Variants in HOXD3 observed in about 807,000 individuals in gnomAD.
HOXD3 encodes homeobox D3, also known as homeobox protein Hox-D3.
HOXD3 carries 13 observed loss-of-function variants against 32.8 expected under a neutral mutation model. That is an observed-to-expected ratio of 0.40 (90% CI 0.26 to 0.63). The LOEUF is 0.63. HOXD3 is among the 20% of genes least tolerant of loss of function. The pLI is 0.44. For missense variants in HOXD3, 504 were observed against 577.1 expected, an observed-to-expected ratio of 0.87 and a Z score of 1.30; for synonymous variants, 241 against 246.8, an observed-to-expected ratio of 0.98 and a Z score of 0.22.
chr2:176,163,066 G>A (rs369329328), intron 1 of HOXD3, among the ~76,000 whole-genome samples: 1 of 152,154 alleles, frequency 6.6e-6, no homozygotes, highest in East Asian at 1.9e-4. Flanking sequence ...GTCCAGGCCG[G>A]CTGGGAAGCT....
At chr2:176,166,439 G>A (rs1300735130) in intron 2 of HOXD3, among the ~76,000 whole-genome samples, 1 of 152,194 alleles carries the variant, frequency 6.6e-6, no homozygotes, top group East Asian at 1.9e-4. Flanking sequence ...CTGAGTGTCC[G>A]ATGTGACCAT....
chr2:176,171,158 T>C (rs1026253176), intron 3 of HOXD3, among the ~76,000 whole-genome samples: 1 of 152,186 alleles, frequency 6.6e-6, no homozygotes, highest in Non-Finnish European at 1.5e-5. Context: ...AGTCTGGCCC[T>C]TCTTTGACAG....
chr2:176,172,382 C>A lies in HOXD3; in HGVS notation c.*108C>A. 1 of 1,148,520 alleles carries A rather than the reference C, an allele frequency of 8.7e-7. No homozygotes were observed. Among genetic ancestry groups the A allele is most frequent in the Non-Finnish European group, 1.2e-6 (1 of 838,438 alleles). The allele number at this position is 1,148,520 out of a possible 1,614,324, so 71.1% of individuals were successfully genotyped here. On this transcript the variant is annotated 3_prime_UTR_variant, in exon 4 of 4. Transcript: ENST00000683222. ...TCGGGAACCCCCTTCCCCGCTCTTGCCCTGCCGCCGCCTCCCGGGTCTCAG... is the reference window on the plus strand; with the variant it reads ...TCGGGAACCCCCTTCCCCGCTCTTGACCTGCCGCCGCCTCCCGGGTCTCAG...
At chr2:176,161,082 T>C in intron 1 of HOXD3, 1 of 152,238 alleles carries the variant, frequency 6.6e-6, no homozygotes, top group East Asian at 1.9e-4. Context: ...GGGATCCAGG[T>C]AAGCAATTGC....
intron 1 of HOXD3, among the ~76,000 whole-genome samples, chr2:176,163,705 C>T (rs1297637676): frequency 6.6e-6 from 1 of 152,048 alleles, no homozygotes; most frequent in African/African-American, 2.4e-5. Context: ...TCTCTTCTGC[C>T]CCTAGGAGAG....
intron 1 of HOXD3, among the ~76,000 whole-genome samples, chr2:176,157,933 CG>C (rs1243203228): frequency 6.6e-6 from 1 of 152,216 alleles, no homozygotes; most frequent in Non-Finnish European, 1.5e-5. Flanking sequence ...ATTCTTAAAC[CG>C]GTGAGAAAAG....
In HOXD3 at chr2:176,172,519, C is replaced by T. The variant is rs1391548918; in HGVS notation, c.*245C>T. On this transcript the variant is annotated 3_prime_UTR_variant, in exon 4 of 4. Coordinates refer to ENST00000683222, the MANE Select transcript of HOXD3 (RefSeq NM_006898.5). ...CTTCCCTGTAAATTTGACAGTGCCA[C>T]ATACTGCGGACCAAGGGACTCCAAT... is the stretch of plus-strand genomic sequence containing the variant. The T allele has an allele frequency of 1.8e-6, 1 of 545,982 alleles. No homozygotes were observed. Among genetic ancestry groups the T allele is most frequent in the Non-Finnish European group, 3.2e-6 (1 of 310,242 alleles). 33.8% of individuals were successfully genotyped at this position (545,982 alleles called of 1,614,324 possible). A position where few individuals can be genotyped will look rare whatever the true frequency, so the allele number is the denominator to read the frequency against.
intron 1 of HOXD3, among the ~76,000 whole-genome samples, chr2:176,161,644 CTTAA>C (rs1418523797): frequency 1.3e-5 from 2 of 152,148 alleles, no homozygotes; most frequent in East Asian, 3.8e-4. Context: ...TTGCTGTTGG[CTTAA>C]TTTTTTCTTG....
At chr2:176,153,142 G>T (rs1236088262), upstream of HOXD3, 9 of 490,260 alleles carry the variant, frequency 1.8e-5, no homozygotes, top group South Asian at 1.8e-4. Flanking sequence ...GGGAGGGGGG[G>T]CGGGATTCTC....
chr2:176,165,325 T>C (rs1292716205), intron 2 of HOXD3: 1 of 152,276 alleles, frequency 6.6e-6, no homozygotes, highest in Non-Finnish European at 1.5e-5. Context: ...CTTTTATTTA[T>C]TTGGTATCAT....
chr2:176,162,211 C>T (rs1169159054), intron 1 of HOXD3, among the ~76,000 whole-genome samples: 1 of 152,258 alleles, frequency 6.6e-6, no homozygotes, highest in Non-Finnish European at 1.5e-5. Context: ...TTTTTCTTTG[C>T]TAGCTGCCTT....
chr2:176,171,413 TG>T (rs1691175045), intron 3 of HOXD3, 103 bp from the exon 4 acceptor site: 9 of 1,055,076 alleles, frequency 8.5e-6, no homozygotes, highest in Non-Finnish European at 1.1e-5. Flanking sequence ...GGATTGGAGG[TG>T]GGGGGAGGGA....
At chr2:176,170,689 A>G (rs1691141498) in intron 3 of HOXD3, among the ~76,000 whole-genome samples, 2 of 151,762 alleles carry the variant, frequency 1.3e-5, no homozygotes, top group African/African-American at 4.8e-5. Context: ...CCTGCCTGCA[A>G]CCTCCTTTTC....
chr2:176,172,427 C>A lies in HOXD3; in HGVS notation c.*153C>A. 1 of 711,848 alleles carries A rather than the reference C, an allele frequency of 1.4e-6. No homozygotes were observed. The highest frequency in any genetic ancestry group is 1.8e-5 in the African/African-American group (1 of 55,656). 44.1% of individuals were successfully genotyped at this position (711,848 alleles called of 1,614,324 possible). ...TCTCAGGCCTCCAGCGGCGGAGGCG[C>A]AGGCGACCGGGCCTCCCCTCCATGG... On this transcript the variant is annotated 3_prime_UTR_variant, in exon 4 of 4. Transcript: ENST00000683222.
chr2:176,156,047 A>G (rs1008659668), upstream of HOXD3, among the ~76,000 whole-genome samples: 3 of 152,226 alleles, frequency 2.0e-5, no homozygotes, highest in African/African-American at 7.2e-5. Flanking sequence ...ATTGATCTAT[A>G]TTTAAAATAA....
chr2:176,165,896 C>T (rs986524064), intron 2 of HOXD3, among the ~76,000 whole-genome samples: 1 of 152,106 alleles, frequency 6.6e-6, no homozygotes, highest in Non-Finnish European at 1.5e-5. Flanking sequence ...TGATTTATGA[C>T]CCGTTCCTGC....
At chr2:176,163,889 C>T (rs185567623) in intron 1 of HOXD3, among the ~76,000 whole-genome samples, 184 bp from the exon 2 acceptor site, 104 of 152,250 alleles carry the variant, frequency 6.8e-4, no homozygotes, top group Middle Eastern at 3.4e-3. Flanking sequence ...GTTAAAGGGG[C>T]CCTCGCTCCC....
Position 176,167,686 on chromosome 2 carries a change from C to CT in HOXD3, c.-84-1316dup, listed in dbSNP as rs56761217. Among the ~76,000 whole-genome samples, 994 of 108,822 alleles carry CT rather than the reference C, an allele frequency of 9.1e-3. 24 individuals carry two copies. The highest frequency in any genetic ancestry group is 0.013 in the Non-Finnish European group (723 of 54,662). The allele number at this position is 108,822 out of a possible 152,430, so 71.4% of individuals were successfully genotyped here. ...TTTTGAAACCAGGTGGGGGGAGACC[C>CT]TTTTTTTTTTTTTTTTTTTTTTTTT... On this transcript the variant is annotated intron_variant, in intron 2 of 3. Transcript: ENST00000683222.
At position 176,172,368 on chromosome 2, in the gene HOXD3, C is replaced by G. The variant is rs1430334137; in HGVS notation, c.*94C>G. ...GCCCGCGGGGCAGTTCGGGAACCCC[C>G]TTCCCCGCTCTTGCCCTGCCGCCGC... On this transcript the variant is annotated 3_prime_UTR_variant, in exon 4 of 4. Transcript: ENST00000683222. 6 of 1,249,846 alleles carry G rather than the reference C, an allele frequency of 4.8e-6. No individual in the cohort carries two copies. The allele number at this position is 1,249,846 out of a possible 1,614,324, so 77.4% of individuals were successfully genotyped here. A position where few individuals can be genotyped will look rare whatever the true frequency, so the allele number is the denominator to read the frequency against.
Sources: allele counts gnomAD v4.1 joint callset (sites outside exome capture counted in the v4.1 genomes callset), GRCh38; gene constraint gnomAD v4.1.1; transcripts MANE v1.5; gene names NCBI Gene and HGNC (gene_info 2026-07-23, HGNC 2026-07-21).